Variants in THSD4 observed in about 807,000 individuals in gnomAD.
The protein encoded by THSD4 is thrombospondin type-1 domain-containing protein 4.
Under a neutral mutation model 119.0 loss-of-function variants are expected in THSD4, and 69 were observed. The observed-to-expected ratio is 0.58, with a 90% CI of 0.48 to 0.71. The LOEUF (loss-of-function observed/expected upper bound fraction) is 0.71, where lower values mean the gene tolerates loss of function less well. THSD4 is among the 30% of genes least tolerant of loss of function. The pLI is 0.00. For missense variants in THSD4, 1,393 were observed against 1,391.1 expected, an observed-to-expected ratio of 1.00 and a Z score of -0.02; for synonymous variants, 524 against 540.4, an observed-to-expected ratio of 0.97 and a Z score of 0.42.
intron 14 of THSD4, among the ~76,000 whole-genome samples, chr15:71,754,332 C>T (rs925629100): frequency 3.9e-5 from 6 of 152,022 alleles, no homozygotes; most frequent in Admixed American, 6.6e-5. Context: ...TCAGGTGATC[C>T]ACCTGCCTCA....
At chr15:71,319,521 A>G (rs1382682588) in intron 6 of THSD4, among the ~76,000 whole-genome samples, 2 of 151,588 alleles carry the variant, frequency 1.3e-5, no homozygotes, top group Non-Finnish European at 2.9e-5. Context: ...TCCTTGTGAT[A>G]GTTTGCTCAG....
chr15:71,213,018 C>T (rs932528848), intron 3 of THSD4, among the ~76,000 whole-genome samples: 2 of 152,174 alleles, frequency 1.3e-5, no homozygotes, highest in Non-Finnish European at 2.9e-5. Flanking sequence ...CATTATTTTC[C>T]TAGGGCTGCC....
intron 6 of THSD4, among the ~76,000 whole-genome samples, chr15:71,334,229 G>T (rs2045464388): frequency 6.6e-6 from 1 of 152,138 alleles, no homozygotes; most frequent in Non-Finnish European, 1.5e-5. Context: ...TATTTTTGTG[G>T]ATCATTTTTC....
At chr15:71,535,724 G>C (rs2048680847) in intron 7 of THSD4, among the ~76,000 whole-genome samples, 1 of 152,106 alleles carries the variant, frequency 6.6e-6, no homozygotes, top group African/African-American at 2.4e-5. Context: ...TTGACCATTT[G>C]TATGTTTTTT....
At chr15:71,601,993 A>T (rs1442021448) in intron 7 of THSD4, among the ~76,000 whole-genome samples, 1 of 152,190 alleles carries the variant, frequency 6.6e-6, no homozygotes, top group African/African-American at 2.4e-5. Flanking sequence ...AAGCAGCATT[A>T]TTCTGGAGAA....
intron 6 of THSD4, among the ~76,000 whole-genome samples, chr15:71,375,074 C>A (rs62015545): frequency 0.036 from 5,419 of 152,284 alleles, 148 homozygotes; most frequent in Non-Finnish European, 0.051. Flanking sequence ...CCATTTCCCC[C>A]ACTTCCTAAA....
At chr15:71,239,182 A>G (rs1232713677) in intron 4 of THSD4, among the ~76,000 whole-genome samples, 2 of 152,208 alleles carry the variant, frequency 1.3e-5, no homozygotes, top group African/African-American at 4.8e-5. Flanking sequence ...ATCTATAACA[A>G]AGGTACTATT....
At chr15:71,439,575 G>T (rs2047061822) in intron 7 of THSD4, among the ~76,000 whole-genome samples, 1 of 152,090 alleles carries the variant, frequency 6.6e-6, no homozygotes, top group East Asian at 1.9e-4. Context: ...TATGTTTATT[G>T]CAGCACTACT....
chr15:71,167,618 A>G (rs1168697187), intron 3 of THSD4, among the ~76,000 whole-genome samples: 12 of 152,248 alleles, frequency 7.9e-5, no homozygotes, highest in Non-Finnish European at 2.9e-5. Flanking sequence ...TTACTTAGAT[A>G]ATCATAATTC....
intron 3 of THSD4, among the ~76,000 whole-genome samples, chr15:71,199,631 TGTGTG>T: frequency 6.9e-6 from 1 of 145,548 alleles, no homozygotes; most frequent in East Asian, 2.1e-4. Flanking sequence ...GTGTGTGGTG[TGTGTG>T]GTGTGTGTGT....
chr15:71,439,001 C>T (rs754240285), intron 7 of THSD4, among the ~76,000 whole-genome samples: 54 of 152,066 alleles, frequency 3.6e-4, no homozygotes, highest in Non-Finnish European at 7.2e-4. Context: ...GACAAGACCA[C>T]GGTAGGCCAG....
intron 6 of THSD4, among the ~76,000 whole-genome samples, chr15:71,408,563 A>G (rs1455944806): frequency 1.3e-5 from 2 of 151,902 alleles, no homozygotes; most frequent in East Asian, 3.9e-4. Context: ...ATTTTAAAGG[A>G]GGTGGGGGCT....
intron 1 of THSD4, among the ~76,000 whole-genome samples, chr15:71,138,877 AGTGT>A (rs111389138): frequency 6.7e-6 from 1 of 149,722 alleles, no homozygotes; most frequent in East Asian, 2.0e-4. Flanking sequence ...TGTGTGTGTG[AGTGT>A]GTGTGTGTGT....
chr15:71,671,096 C>T (rs2051518417), intron 8 of THSD4, among the ~76,000 whole-genome samples: 1 of 152,172 alleles, frequency 6.6e-6, no homozygotes, highest in Non-Finnish European at 1.5e-5. Flanking sequence ...TTTACAGTCC[C>T]ACCAACAGTG....
chr15:71,291,787 T>C (rs1186301740), intron 6 of THSD4, among the ~76,000 whole-genome samples: 1 of 152,186 alleles, frequency 6.6e-6, no homozygotes, highest in African/African-American at 2.4e-5. Flanking sequence ...ATCTATCCAT[T>C]TTTCTGAGTA....
At chr15:71,438,880 C>T (rs1566983045) in intron 7 of THSD4, among the ~76,000 whole-genome samples, 2 of 152,130 alleles carry the variant, frequency 1.3e-5, no homozygotes, top group Non-Finnish European at 2.9e-5. Context: ...ATTTAGGTAC[C>T]TTAACAAGAC....
intron 8 of THSD4, among the ~76,000 whole-genome samples, chr15:71,663,618 GC>G (rs1162019325): frequency 6.6e-6 from 1 of 152,050 alleles, no homozygotes; most frequent in Non-Finnish European, 1.5e-5. Context: ...CACTATTCCT[GC>G]TCTGTGAAGT....
chr15:71,257,215 C>G (rs2044328556), intron 6 of THSD4, among the ~76,000 whole-genome samples: 1 of 152,172 alleles, frequency 6.6e-6, no homozygotes, highest in African/African-American at 2.4e-5. Flanking sequence ...AGATCCCCGT[C>G]ATTTCCAGAT....
chr15:71,553,357 C>G (rs7165575), intron 7 of THSD4, among the ~76,000 whole-genome samples: 46,180 of 146,682 alleles, frequency 0.31, 7,736 homozygotes, highest in Non-Finnish European at 0.39. Context: ...TGGAGTTTTG[C>G]TCTTGTTGCC....
Sources: allele counts gnomAD v4.1 joint callset (sites outside exome capture counted in the v4.1 genomes callset), GRCh38; gene constraint gnomAD v4.1.1; transcripts MANE v1.5; gene names NCBI Gene and HGNC (gene_info 2026-07-23, HGNC 2026-07-21).